The following INPP5A variants were observed in gnomAD, a reference collection of about 807,000 sequenced individuals.
The protein encoded by INPP5A is inositol polyphosphate-5-phosphatase A.
A neutral mutation model predicts 65.2 loss-of-function variants in INPP5A; 14 were observed. The ratio of observed to expected loss-of-function variants is 0.21; its 90% CI spans 0.14 to 0.34. The LOEUF (loss-of-function observed/expected upper bound fraction) is 0.34. Among genes scored for constraint, INPP5A ranks in the 10% least tolerant of loss-of-function variants. INPP5A has a pLI of 1.00. For synonymous variants in INPP5A, 207 were observed against 208.3 expected (o/e 0.99, Z 0.05); for missense variants, 431 against 545.6 (o/e 0.79, Z 2.09).
intron 8 of INPP5A, among the ~76,000 whole-genome samples, chr10:132,723,786 C>T (rs1337299336): frequency 1.3e-5 from 2 of 152,156 alleles, no homozygotes; most frequent in Non-Finnish European, 2.9e-5. Context: ...GCCGCCCTCC[C>T]TCGGGAGCCT....
Position 132,603,507 on chromosome 10 carries a change from G to A in INPP5A, c.76-4408G>A, listed in dbSNP as rs2071802373. On this transcript the variant is annotated intron_variant, in intron 1 of 15. Coordinates refer to ENST00000368594, the MANE Select transcript of INPP5A (RefSeq NM_005539.5). The surrounding 1 kb of genome is among the most constrained non-coding windows in gnomAD (Gnocchi z 4.2). ...CCTGCTCAAATTGTCAGGAGAAACA[G>A]ACACTGAAGTGAAACTCAAGGAACT... is the stretch of plus-strand genomic sequence containing the variant. Among the ~76,000 whole-genome samples, 1 of 152,220 alleles carries A rather than the reference G, an allele frequency of 6.6e-6. No homozygotes were observed. The highest frequency in any genetic ancestry group is 2.4e-5 in the African/African-American group (1 of 41,454).
intron 2 of INPP5A, among the ~76,000 whole-genome samples, chr10:132,613,280 G>A (rs371906446): frequency 2.1e-5 from 3 of 143,096 alleles, no homozygotes; most frequent in Admixed American, 7.2e-5. Flanking sequence ...GAGTCCCCCC[G>A]CAGGGCCCCC....
At chr10:132,662,225 C>A (rs979014663) in intron 4 of INPP5A, among the ~76,000 whole-genome samples, 1 of 152,078 alleles carries the variant, frequency 6.6e-6, no homozygotes, top group East Asian at 1.9e-4. Context: ...GTAAAACATG[C>A]GAAAACATGG....
chr10:132,672,252 A>G (rs570153233), intron 4 of INPP5A, among the ~76,000 whole-genome samples: 21 of 152,258 alleles, frequency 1.4e-4, no homozygotes, highest in African/African-American at 4.6e-4. Flanking sequence ...GCATTTAAGT[A>G]TTGTCAACTT....
chr10:132,677,654 G>A (rs975505100), intron 4 of INPP5A, among the ~76,000 whole-genome samples: 5 of 152,334 alleles, frequency 3.3e-5, no homozygotes, highest in African/African-American at 4.8e-5. Context: ...CGTGGTAATC[G>A]GAAATGTTAA....
intron 12 of INPP5A, among the ~76,000 whole-genome samples, chr10:132,774,917 G>A (rs1373505890): frequency 1.2e-5 from 1 of 84,042 alleles, no homozygotes; most frequent in African/African-American, 4.5e-5. Context: ...AGAGGGGCAC[G>A]GAGGAGAGAG....
In INPP5A at chr10:132,546,246, G is replaced by A. The variant is rs984249825; in HGVS notation, c.75+8075G>A. 4.6e-5 allele frequency among the ~76,000 whole-genome samples: 7 copies of A among 152,248 alleles called. No homozygotes were observed. The highest frequency in any genetic ancestry group is 8.8e-5 in the Non-Finnish European group (6 of 68,036). On this transcript the variant is annotated intron_variant, in intron 1 of 15. Transcript: ENST00000368594. This position sits in a 1 kb window ranked among gnomAD's most constrained non-coding sequence, Gnocchi z 5.7. ...GCGCTCCCAGCCCGCGGGGGTCTTG[G>A]CGTTGGCGCAGAAGTGGTTTCCCAG...
chr10:132,639,078 G>A (rs765423441), intron 2 of INPP5A, among the ~76,000 whole-genome samples: 25 of 152,044 alleles, frequency 1.6e-4, no homozygotes, highest in Non-Finnish European at 3.1e-4. Flanking sequence ...AACCCAAGAA[G>A]AAAAAATATA....
rs549668301 is a variant in INPP5A, at chr10:132,677,828, G to A, written c.307-12564G>A. Among the ~76,000 whole-genome samples the A allele has an allele frequency of 1.1e-3, 170 of 152,342 alleles. 4 individuals carry two copies. The South Asian group carries it at 0.034, about 30-fold the overall frequency. ...ATTGGGGACACTACATCCAAGAGCCGTGACAGGGTTCAGCAACCCGCGTGC... is the reference window on the plus strand; with the variant it reads ...ATTGGGGACACTACATCCAAGAGCCATGACAGGGTTCAGCAACCCGCGTGC... On this transcript the variant is annotated intron_variant, in intron 4 of 15. Transcript: ENST00000368594.
At chr10:132,751,311 G>T (rs1334392064) in intron 11 of INPP5A, among the ~76,000 whole-genome samples, 1 of 152,198 alleles carries the variant, frequency 6.6e-6, no homozygotes, top group African/African-American at 2.4e-5. Flanking sequence ...TCAGGCCTTG[G>T]TGTCCTGTCC....
rs2072461535 is a variant in INPP5A at position 132,644,064 on chromosome 10, A to C, written c.118-1804A>C. Among the ~76,000 whole-genome samples the C allele has an allele frequency of 6.6e-6, 1 of 152,090 alleles. No homozygotes were observed. The highest frequency in any genetic ancestry group is 2.1e-4 in the South Asian group (1 of 4,820). Reference sequence around the variant, plus strand: ...CGGAAACACTCAGACCACCGGCACCAAGGGTTGTCTGTTTTCAGAACTTCT... The same window carrying C: ...CGGAAACACTCAGACCACCGGCACCCAGGGTTGTCTGTTTTCAGAACTTCT... On this transcript the variant is annotated intron_variant, in intron 2 of 15. Coordinates refer to ENST00000368594, the MANE Select transcript of INPP5A (RefSeq NM_005539.5). The surrounding 1 kb of genome is among the most constrained non-coding windows in gnomAD (Gnocchi z 6.5).
In INPP5A at chr10:132,547,704, C is replaced by T. The variant is rs994138308; in HGVS notation, c.75+9533C>T. Among the ~76,000 whole-genome samples the T allele has an allele frequency of 1.3e-5, 2 of 152,100 alleles. No homozygotes were observed. The highest frequency in any genetic ancestry group is 4.8e-5 in the African/African-American group (2 of 41,428). ...CTTTTTTCAAAGGGTTCCTCCGGGA[C>T]GCCTCGCCTAGGCAAGCAGGGTTTT... On this transcript the variant is annotated intron_variant, in intron 1 of 15. Coordinates refer to ENST00000368594, the MANE Select transcript of INPP5A (RefSeq NM_005539.5). The surrounding 1 kb of genome is among the most constrained non-coding windows in gnomAD (Gnocchi z 5.5).
At chr10:132,758,147 G>C (rs1364401854) in intron 11 of INPP5A, among the ~76,000 whole-genome samples, 1 of 108,374 alleles carries the variant, frequency 9.2e-6, no homozygotes, top group Non-Finnish European at 2.0e-5. Context: ...GCGATGTTGT[G>C]GGTCCCTGGC....
At chr10:132,636,839 G>T (rs2133380614) in intron 2 of INPP5A, among the ~76,000 whole-genome samples, 1 of 152,322 alleles carries the variant, frequency 6.6e-6, no homozygotes, top group African/African-American at 2.4e-5. Context: ...TTTAGGAAAG[G>T]TCATTCTGTT....
intron 1 of INPP5A, among the ~76,000 whole-genome samples, chr10:132,554,329 T>A (rs1424118640): frequency 1.3e-5 from 2 of 152,032 alleles, no homozygotes; most frequent in African/African-American, 4.8e-5. Flanking sequence ...ATTTGTCCAG[T>A]GGCTGGAGGG....
intron 4 of INPP5A, among the ~76,000 whole-genome samples, chr10:132,662,567 CAGAT>C (rs1370808021): frequency 1.3e-5 from 2 of 152,146 alleles, no homozygotes; most frequent in African/African-American, 4.8e-5. Flanking sequence ...TGACAGAACA[CAGAT>C]AGTGGTTTCC....
chr10:132,767,686 C>T (rs1315407170), intron 12 of INPP5A, among the ~76,000 whole-genome samples: 5 of 152,104 alleles, frequency 3.3e-5, no homozygotes, highest in South Asian at 2.1e-4. Flanking sequence ...GAGCCCCTCG[C>T]GCCCAGTGGC....
At position 132,616,044 on chromosome 10, in the gene INPP5A, C is replaced by T. The variant is rs1454636766; in HGVS notation, c.117+8088C>T. 6.6e-6 allele frequency among the ~76,000 whole-genome samples: 1 copy of T among 152,154 alleles called. No individual in the cohort carries two copies. The highest frequency in any genetic ancestry group is 1.9e-4 in the East Asian group (1 of 5,186). ...CCTCTGTAGCTGCCGGTTCCGGGTC[C>T]TGTGGGGAGCGGTGAGGGATGGTCG... On this transcript the variant is annotated intron_variant, in intron 2 of 15. Coordinates refer to ENST00000368594, the MANE Select transcript of INPP5A (RefSeq NM_005539.5). This position sits in a 1 kb window ranked among gnomAD's most constrained non-coding sequence, Gnocchi z 4.9.
intron 1 of INPP5A, among the ~76,000 whole-genome samples, chr10:132,571,836 C>A (rs2786901): frequency 0.98 from 149,111 of 152,328 alleles, 73,048 homozygotes; most frequent in East Asian, 1. Flanking sequence ...TGAGGCCCTG[C>A]GGTAGCAGGT....
Sources: gnomAD v4.1 joint callset for allele counts (sites outside exome capture counted in the v4.1 genomes callset) on GRCh38, gnomAD v4.1.1 for gene constraint, Gnocchi (gnomAD v3.1) non-coding constraint, MANE v1.5 for transcripts, NCBI Gene and HGNC (gene_info 2026-07-23, HGNC 2026-07-21) for gene names.